GPR89B: variants seen among roughly 807,000 people sequenced by gnomAD.
GPR89B encodes golgi pH regulator B, also known as G protein-coupled receptor 89B.
Under a neutral mutation model 52.4 loss-of-function variants are expected in GPR89B, and 25 were observed. The observed-to-expected ratio is 0.48, with a 90% CI of 0.35 to 0.67. The LOEUF (loss-of-function observed/expected upper bound fraction) is 0.67. GPR89B is among the 30% of genes least tolerant of loss of function. The probability of loss-of-function intolerance (pLI) is 0.01; values close to 1 mark genes in which losing one functional copy is unlikely to be tolerated. For missense variants in GPR89B, 146 were observed against 450.2 expected (o/e 0.32, Z 6.11); for synonymous variants, 52 against 151.2 (o/e 0.34, Z 4.81).
intron 1 of GPR89B, among the ~76,000 whole-genome samples, chr1:147,933,925 TACA>T (rs1653862069): frequency 2.0e-5 from 3 of 151,934 alleles, no homozygotes; most frequent in Non-Finnish European, 2.9e-5. Flanking sequence ...CCTCACCACC[TACA>T]GACTATAATC....
the GPR89B span, among the ~76,000 whole-genome samples, chr1:148,004,363 C>T: frequency 1.0e-4 from 15 of 149,730 alleles, 1 homozygote; most frequent in Admixed American, 1.0e-3. Context: ...GACGGTGTTT[C>T]ACCGTGTTAG....
chr1:147,976,935 T>A (rs1367590926), intron 10 of GPR89B, among the ~76,000 whole-genome samples: 2 of 151,774 alleles, frequency 1.3e-5, no homozygotes, highest in African/African-American at 2.4e-5. Flanking sequence ...TTGGAAATTC[T>A]TTTCTTTAAG....
chr1:147,969,411 A>G (rs1657260532), intron 9 of GPR89B: 3 of 207,166 alleles, frequency 1.4e-5, no homozygotes, highest in South Asian at 1.7e-4. Context: ...AAAATAAAAT[A>G]TAATTTAAAT....
intron 7 of GPR89B, among the ~76,000 whole-genome samples, chr1:147,962,858 T>C (rs1352208863): frequency 1.3e-4 from 19 of 150,064 alleles, no homozygotes; most frequent in Non-Finnish European, 8.9e-5. Context: ...GATCCGCCAT[T>C]GCCCTCCAGC....
chr1:147,950,779 G>A (rs1395806079), intron 5 of GPR89B, among the ~76,000 whole-genome samples: 3 of 152,182 alleles, frequency 2.0e-5, no homozygotes, highest in African/African-American at 7.2e-5. Flanking sequence ...AAAAAAATAC[G>A]AAAACCAGTC....
chr1:148,014,286 C>G, the GPR89B span: 1 of 151,942 alleles, frequency 6.6e-6, no homozygotes. Flanking sequence ...GTGTAAAAGA[C>G]AGAGAGCTCA....
At chr1:147,971,633 C>T (rs1283846050) in intron 10 of GPR89B, among the ~76,000 whole-genome samples, 13 of 150,186 alleles carry the variant, frequency 8.7e-5, no homozygotes, top group African/African-American at 2.5e-4. Context: ...TGTGCCACAA[C>T]GCAAAATACA....
chr1:147,995,395 G>T (rs1659291277), downstream of GPR89B, among the ~76,000 whole-genome samples: 1 of 151,138 alleles, frequency 6.6e-6, no homozygotes, highest in African/African-American at 2.4e-5. Context: ...GCTGTCAGCT[G>T]CATGCTATGA....
At position 147,985,203 on chromosome 1, in the gene GPR89B, C is replaced by G. The variant is rs1262881085; in HGVS notation, c.910-996C>G. On this transcript the variant is annotated intron_variant, in intron 10 of 13. Transcript: ENST00000314163. ...TTGTTGAAATGATCCTTTTATCATT[C>G]TGAAATGACCCTTTTAATACCTAGC... 1.6e-4 allele frequency among the ~76,000 whole-genome samples: 25 copies of G among 152,118 alleles called. No individual in the cohort carries two copies. In the South Asian group the frequency reaches 4.4e-3, roughly 27 times the overall value.
Position 147,968,900 on chromosome 1 carries a change from G to A in GPR89B, c.753G>A (p.Val251=). ...ATCTTACTCTTATTCAACAGGAAGT[G>A]GATGCTTTGGAAGAATTAAGCAGGC... ...SENLTLIQQE[V]DALEELSRQL... Residue 251 remains valine, a synonymous_variant, in exon 9 of 14, where the codon GTG becomes GTA. Coordinates refer to ENST00000314163, the MANE Select transcript of GPR89B (RefSeq NM_016334.5). 1 of 1,611,276 alleles carries A rather than the reference G, an allele frequency of 6.2e-7. No individual in the cohort carries two copies. Among genetic ancestry groups the A allele is most frequent in the Non-Finnish European group, 8.5e-7 (1 of 1,178,234 alleles).
intron 10 of GPR89B, among the ~76,000 whole-genome samples, chr1:147,982,036 G>C (rs1658293581): frequency 6.6e-6 from 1 of 151,620 alleles, no homozygotes; most frequent in African/African-American, 2.4e-5. Context: ...CATATGCTAA[G>C]TATATGTTTA....
the GPR89B span, among the ~76,000 whole-genome samples, chr1:148,021,277 C>T: frequency 6.6e-6 from 1 of 151,242 alleles, no homozygotes; most frequent in South Asian, 2.1e-4. Context: ...CTGAGGCGGG[C>T]GGAGCACGAG....
intron 10 of GPR89B, among the ~76,000 whole-genome samples, chr1:147,978,249 G>C (rs1277055445): frequency 6.6e-6 from 1 of 151,932 alleles, no homozygotes; most frequent in African/African-American, 2.4e-5. Flanking sequence ...CCCCTCTTCT[G>C]TAGGGCTGCT....
At chr1:147,955,078 C>T (rs1329234122) in intron 7 of GPR89B, among the ~76,000 whole-genome samples, 1 of 152,024 alleles carries the variant, frequency 6.6e-6, no homozygotes, top group Non-Finnish European at 1.5e-5. Context: ...ACCCATCCAG[C>T]CTCTGGTAAC....
At chr1:147,993,631 G>GA, downstream of GPR89B, 1 of 155,228 alleles carries the variant, frequency 6.4e-6, no homozygotes, top group Middle Eastern at 3.4e-3. Context: ...CCCTCACGCT[G>GA]TGGGGTGAAA....
intron 7 of GPR89B, among the ~76,000 whole-genome samples, chr1:147,961,892 T>C (rs1205367412): frequency 2.0e-5 from 3 of 151,938 alleles, no homozygotes; most frequent in African/African-American, 7.3e-5. Context: ...CAAATTGGTA[T>C]ACAAATTTAA....
At chr1:147,942,596 C>T (rs1654650638) in intron 3 of GPR89B, among the ~76,000 whole-genome samples, 1 of 150,530 alleles carries the variant, frequency 6.6e-6, no homozygotes, top group Admixed American at 6.6e-5. Context: ...ATAATATATC[C>T]ATATAATGGG....
chr1:147,929,970 T>C (rs1462090520), intron 1 of GPR89B, among the ~76,000 whole-genome samples: 1 of 152,238 alleles, frequency 6.6e-6, no homozygotes, highest in Non-Finnish European at 1.5e-5. Flanking sequence ...TTAGCCTTAG[T>C]ACCAATTTAA....
chr1:147,957,246 G>A (rs1656184138), intron 7 of GPR89B, among the ~76,000 whole-genome samples: 1 of 152,018 alleles, frequency 6.6e-6, no homozygotes, highest in Non-Finnish European at 1.5e-5. Flanking sequence ...TAAAAGCATA[G>A]GCTCTGAAAT....
Sources: gnomAD v4.1 joint callset for allele counts (sites outside exome capture counted in the v4.1 genomes callset) on GRCh38, gnomAD v4.1.1 for gene constraint, MANE v1.5 for transcripts, NCBI Gene and HGNC (gene_info 2026-07-23, HGNC 2026-07-21) for gene names.